The following DYNC2H1 variants were observed in gnomAD, a reference collection of about 807,000 sequenced individuals.
DYNC2H1 encodes cytoplasmic dynein 2 heavy chain 1.
In DYNC2H1, 410 loss-of-function variants were observed where a neutral mutation model predicts 570.0. The observed-to-expected ratio is 0.72, with a 90% CI of 0.66 to 0.78. The LOEUF (loss-of-function observed/expected upper bound fraction) is 0.78. DYNC2H1 is among the 30% of genes least tolerant of loss of function. The pLI is 0.00. For missense variants in DYNC2H1, 4,865 were observed against 5,046.4 expected (o/e 0.96, Z 1.09); for synonymous variants, 1,688 against 1,677.6 (o/e 1.01, Z -0.15).
intron 70 of DYNC2H1, among the ~76,000 whole-genome samples, chr11:103,270,920 G>A (rs1426802397): frequency 1.3e-5 from 2 of 152,098 alleles, no homozygotes; most frequent in Non-Finnish European, 2.9e-5. Context: ...TTACTTCTTG[G>A]AATTAATATC....
At chr11:103,333,160 A>T (rs972324582) in intron 82 of DYNC2H1, among the ~76,000 whole-genome samples, 11 of 152,248 alleles carry the variant, frequency 7.2e-5, no homozygotes, top group Admixed American at 7.2e-4. Flanking sequence ...TAATTTTAAT[A>T]CATAGCAATT....
In DYNC2H1 at chr11:103,465,904, A is replaced by C. The variant is rs80084928; in HGVS notation, c.12649-2685A>C. On this transcript the variant is annotated intron_variant, in intron 87 of 88. Coordinates refer to ENST00000375735, the MANE Select transcript of DYNC2H1 (RefSeq NM_001377.3). This position sits in a 1 kb window ranked among gnomAD's most constrained non-coding sequence, Gnocchi z 4.9. ...CAAAGCAATTTAAAAGACCAGCCCA[A>C]GTTCAAGGGGTAGAAAAGAAACTCC... Among the ~76,000 whole-genome samples the C allele has an allele frequency of 0.023, 3,486 of 152,294 alleles. 81 individuals carry two copies. The highest frequency in any genetic ancestry group is 0.054 in the African/African-American group (2,262 of 41,558).
chr11:103,117,091 T>G (rs141252865), intron 5 of DYNC2H1, among the ~76,000 whole-genome samples: 74 of 150,290 alleles, frequency 4.9e-4, no homozygotes, highest in East Asian at 1.9e-3. Context: ...TAAGGTTATA[T>G]GTACAAATAT....
At chr11:103,347,687 G>A (rs1330642579) in intron 82 of DYNC2H1, among the ~76,000 whole-genome samples, 2 of 152,074 alleles carry the variant, frequency 1.3e-5, no homozygotes, top group Non-Finnish European at 2.9e-5. Context: ...AAAATGTCGT[G>A]GATATTTACA....
intron 84 of DYNC2H1, among the ~76,000 whole-genome samples, chr11:103,413,352 A>ATTTAAGGTATTACCTCATGT (rs1471182012): frequency 6.6e-6 from 1 of 152,088 alleles, no homozygotes; most frequent in Non-Finnish European, 1.5e-5. Flanking sequence ...TATTTTTTTC[A>ATTTAAGGTATTACCTCATGT]TTTAAGGTAT....
rs116199452 is a variant in DYNC2H1, at chr11:103,147,066, A to G, written c.2703-706A>G. Among the ~76,000 whole-genome samples, 1,491 of 152,270 alleles carry G rather than the reference A, an allele frequency of 9.8e-3. 23 individuals carry two copies. Among genetic ancestry groups the G allele is most frequent in the African/African-American group, 0.033 (1,375 of 41,546 alleles). On this transcript the variant is annotated intron_variant, in intron 18 of 88. Coordinates refer to ENST00000375735, the MANE Select transcript of DYNC2H1 (RefSeq NM_001377.3). The stretch of plus-strand genomic sequence containing the variant: ...TATTATAGTTAGTGCTTTCATGAAA[A>G]TGCTTGTGTATAAATCTTGGAGCCT...
At chr11:103,274,937 A>G (rs1865850771) in intron 70 of DYNC2H1, among the ~76,000 whole-genome samples, 1 of 151,922 alleles carries the variant, frequency 6.6e-6, no homozygotes, top group African/African-American at 2.4e-5. Context: ...TCTACTAAAA[A>G]TACAAAAATT....
At chr11:103,188,390 G>A (rs941353176) in intron 43 of DYNC2H1, 107 bp from the exon 44 acceptor site, 2 of 782,562 alleles carry the variant, frequency 2.6e-6, no homozygotes, top group African/African-American at 3.5e-5. Context: ...GAGTTAGATA[G>A]ATGATGATTG....
chr11:103,332,312 G>GAAAA (rs71962098), intron 82 of DYNC2H1, among the ~76,000 whole-genome samples: 1 of 122,544 alleles, frequency 8.2e-6, no homozygotes, highest in African/African-American at 3.0e-5. Context: ...AAAAAACTGG[G>GAAAA]AAAAAAAAAA....
chr11:103,234,134 A>G lies in DYNC2H1; in HGVS notation c.9541A>G (p.Arg3181Gly). 2 of 1,583,158 alleles carry G rather than the reference A, an allele frequency of 1.3e-6. No homozygotes were observed. The highest frequency in any genetic ancestry group is 1.7e-6 in the Non-Finnish European group (2 of 1,163,254). ...AAEVLINQLD[R>G]EHKRWNAQVV... ...AGAAGTCTTAATTAATCAGCTTGAC[A>G]GAGAACATAAGAGATGGAATGCACA... Residue 3181 changes from arginine to glycine, a missense_variant, in exon 61 of 89, where the codon AGA becomes GGA. By Grantham distance (125) the Arg-to-Gly change is moderately radical. Transcript: ENST00000375735.
chr11:103,162,551 T>A (rs971475685), intron 29 of DYNC2H1, among the ~76,000 whole-genome samples: 9 of 152,208 alleles, frequency 5.9e-5, no homozygotes, highest in Admixed American at 5.2e-4. Context: ...ATACATTTCA[T>A]CCTGATGAAG....
At chr11:103,178,963 A>G (rs1861738687) in intron 38 of DYNC2H1, 63 bp from the exon 39 acceptor site, 22 of 1,445,754 alleles carry the variant, frequency 1.5e-5, no homozygotes, top group Non-Finnish European at 2.1e-5. Context: ...TTTAGTCCTT[A>G]TTTTTAATTA....
chr11:103,192,177 G>C lies in DYNC2H1; in HGVS notation c.7621G>C (p.Gly2541Arg), dbSNP rs1862343435. ...GCGCTTATTTCGTGACAAAATTGTT[G>C]GTGCAAAGGAACTTCATTTATTTGA... ...ARRLFRDKIV[G>R]AKELHLFDII... Residue 2541 changes from glycine (G) to arginine (R), a missense_variant, in exon 47 of 89, where the codon GGT (glycine) becomes CGT (arginine). Physicochemically the swap from Gly to Arg is moderately radical, Grantham distance 125. Around this residue, in one of 5 missense-constraint regions of DYNC2H1, gnomAD observed 2,401 missense variants for 2,454.6 expected, o/e 0.98. Transcript: ENST00000375735. The C allele has an allele frequency of 6.3e-7, 1 of 1,582,848 alleles. No individual in the cohort carries two copies. The highest frequency in any genetic ancestry group is 1.2e-5 in the South Asian group (1 of 84,906).
At chr11:103,166,280 G>A (rs979346162) in intron 31 of DYNC2H1, among the ~76,000 whole-genome samples, 9 of 151,862 alleles carry the variant, frequency 5.9e-5, no homozygotes, top group African/African-American at 2.2e-4. Flanking sequence ...TTTTAATATT[G>A]TAGTTGTCTT....
chr11:103,317,095 G>A (rs976783014), intron 80 of DYNC2H1, among the ~76,000 whole-genome samples: 2 of 152,076 alleles, frequency 1.3e-5, no homozygotes, highest in Non-Finnish European at 2.9e-5. Context: ...TTGAAAACAG[G>A]AACAGTCTAA....
chr11:103,259,461 T>C lies in DYNC2H1; in HGVS notation c.10606-427T>C, dbSNP rs1865182769. Among the ~76,000 whole-genome samples the C allele has an allele frequency of 2.0e-5, 3 of 152,292 alleles. No homozygotes were observed. In the South Asian group the frequency reaches 6.2e-4, roughly 32 times the overall value. ...TCATCCTTATTCATCCTGCAGCACA[T>C]GATTTAAGATCATTGAGGTTCCCAT... On this transcript the variant is annotated intron_variant, in intron 69 of 88. Coordinates refer to ENST00000375735, the MANE Select transcript of DYNC2H1 (RefSeq NM_001377.3).
rs960856541 is a variant in DYNC2H1, at chr11:103,277,166, C to T, written c.10696-3182C>T. Among the ~76,000 whole-genome samples the T allele has an allele frequency of 2.6e-5, 4 of 151,940 alleles. No individual in the cohort carries two copies. The highest frequency in any genetic ancestry group is 2.1e-4 in the South Asian group (1 of 4,824). ...CCCCAACTTGTTACCCCCTTTTAGA[C>T]CTTATATAACAGGTGTTAAAAATTT... On this transcript the variant is annotated intron_variant, in intron 70 of 88. Transcript: ENST00000375735. The surrounding 1 kb of genome is among the most constrained non-coding windows in gnomAD (Gnocchi z 4.3).
intron 3 of DYNC2H1, 126 bp from the exon 4 acceptor site, chr11:103,115,051 C>A (rs1858308613): frequency 1.9e-6 from 1 of 540,268 alleles, no homozygotes; most frequent in South Asian, 3.0e-5. Flanking sequence ...GGAAGTGTCA[C>A]CTATTTGACC....
intron 79 of DYNC2H1, among the ~76,000 whole-genome samples, chr11:103,315,681 T>C (rs1234166957): frequency 6.6e-6 from 1 of 152,082 alleles, no homozygotes; most frequent in Non-Finnish European, 1.5e-5. Context: ...ATCTCTTTCA[T>C]ATGTGTGAAA....
Sources: gnomAD v4.1 joint callset for allele counts (sites outside exome capture counted in the v4.1 genomes callset) on GRCh38, gnomAD v4.1.1 for gene constraint, gnomAD v4.1.1 regional missense constraint, Gnocchi (gnomAD v3.1) non-coding constraint, MANE v1.5 for transcripts, NCBI Gene and HGNC (gene_info 2026-07-23, HGNC 2026-07-21) for gene names.